GPC5: variants seen among roughly 807,000 people sequenced by gnomAD.
The protein encoded by GPC5 is glypican 5.
A neutral mutation model predicts 53.9 loss-of-function variants in GPC5; 47 were observed. That is an observed-to-expected ratio of 0.87 (90% CI 0.69 to 1.11). GPC5 has a LOEUF of 1.11. GPC5 is among the 50% of genes most tolerant of loss of function. The pLI is 0.00. For missense variants in GPC5, 748 were observed against 713.1 expected (o/e 1.05, Z -0.56); for synonymous variants, 286 against 263.3 (o/e 1.09, Z -0.84).
intron 7 of GPC5, among the ~76,000 whole-genome samples, chr13:92,850,610 A>G (rs1038182076): frequency 6.6e-6 from 1 of 152,130 alleles, no homozygotes; most frequent in African/African-American, 2.4e-5. Context: ...AGAAAGAAAA[A>G]AAAAATCATA....
chr13:91,731,996 A>T (rs773190491), intron 4 of GPC5, among the ~76,000 whole-genome samples: 7 of 152,306 alleles, frequency 4.6e-5, no homozygotes, highest in Non-Finnish European at 7.4e-5. Context: ...ATAAACATAC[A>T]TGTGCATGTG....
At chr13:91,650,419 A>C (rs933931767) in intron 2 of GPC5, among the ~76,000 whole-genome samples, 1 of 152,116 alleles carries the variant, frequency 6.6e-6, no homozygotes, top group Non-Finnish European at 1.5e-5. Context: ...TTTTCACAAA[A>C]TATACTTCTT....
At chr13:92,465,301 A>G (rs1566602175) in intron 7 of GPC5, among the ~76,000 whole-genome samples, 1 of 146,796 alleles carries the variant, frequency 6.8e-6, no homozygotes. Flanking sequence ...CCAAAATTCA[A>G]GAAATTCTAT....
At chr13:92,567,789 G>T (rs1410852053) in intron 7 of GPC5, among the ~76,000 whole-genome samples, 2 of 152,068 alleles carry the variant, frequency 1.3e-5, no homozygotes, top group Non-Finnish European at 2.9e-5. Context: ...GACTTGTGTT[G>T]GCCTCGTGAC....
intron 7 of GPC5, among the ~76,000 whole-genome samples, chr13:92,783,419 C>T (rs1876101896): frequency 6.6e-6 from 1 of 152,178 alleles, no homozygotes; most frequent in Non-Finnish European, 1.5e-5. Flanking sequence ...CCTCCAGTGA[C>T]CTAGGGATGG....
At chr13:91,960,578 C>T (rs189060991) in intron 6 of GPC5, among the ~76,000 whole-genome samples, 104 of 151,936 alleles carry the variant, frequency 6.8e-4, no homozygotes, top group Non-Finnish European at 1.3e-3. Flanking sequence ...ATTTGTGGAA[C>T]CAAAAAGAGT....
At chr13:92,593,090 CA>C (rs938804155) in intron 7 of GPC5, among the ~76,000 whole-genome samples, 5 of 150,982 alleles carry the variant, frequency 3.3e-5, no homozygotes, top group Non-Finnish European at 5.9e-5. Flanking sequence ...ACTGAGTAGC[CA>C]AGACACAGCA....
chr13:91,873,789 T>G (rs2039173840), intron 5 of GPC5, among the ~76,000 whole-genome samples: 1 of 152,146 alleles, frequency 6.6e-6, no homozygotes, highest in Non-Finnish European at 1.5e-5. Flanking sequence ...GCTCAAGGAC[T>G]CCTCCTGTTA....
chr13:92,835,642 T>C (rs1166567263), intron 7 of GPC5, among the ~76,000 whole-genome samples: 1 of 152,146 alleles, frequency 6.6e-6, no homozygotes, highest in Non-Finnish European at 1.5e-5. Context: ...GTGTAACATA[T>C]TGCAACAAAC....
intron 7 of GPC5, among the ~76,000 whole-genome samples, chr13:92,284,208 A>G (rs545118629): frequency 6.6e-6 from 1 of 152,314 alleles, no homozygotes; most frequent in South Asian, 2.1e-4. Flanking sequence ...GAATCCCTGA[A>G]TAGACCAATA....
At chr13:92,617,813 T>C (rs967797894) in intron 7 of GPC5, among the ~76,000 whole-genome samples, 8 of 152,170 alleles carry the variant, frequency 5.3e-5, no homozygotes, top group African/African-American at 1.9e-4. Flanking sequence ...AGGTGTTACA[T>C]ACTTACAGGA....
intron 7 of GPC5, among the ~76,000 whole-genome samples, chr13:92,221,914 A>G (rs1182564968): frequency 3.9e-5 from 6 of 152,192 alleles, no homozygotes; most frequent in Non-Finnish European, 7.3e-5. Context: ...ACAATATAAT[A>G]GACTTTCTAC....
intron 4 of GPC5, among the ~76,000 whole-genome samples, chr13:91,744,233 G>A (rs1315126161): frequency 6.6e-6 from 1 of 151,976 alleles, no homozygotes; most frequent in African/African-American, 2.4e-5. Flanking sequence ...ATTAAGTAAA[G>A]GTAACTATAC....
intron 2 of GPC5, among the ~76,000 whole-genome samples, chr13:91,568,911 A>G (rs954402267): frequency 2.0e-5 from 3 of 151,822 alleles, no homozygotes; most frequent in African/African-American, 7.2e-5. Context: ...ATCACACCCA[A>G]CTAATTTTAT....
intron 6 of GPC5, among the ~76,000 whole-genome samples, chr13:92,018,168 T>C (rs1426591268): frequency 1.3e-5 from 2 of 152,142 alleles, no homozygotes; most frequent in Non-Finnish European, 2.9e-5. Flanking sequence ...CTTTGAGAAT[T>C]GCATAAATGC....
chr13:92,153,457 G>A (rs1404120168), intron 7 of GPC5, among the ~76,000 whole-genome samples: 1 of 152,158 alleles, frequency 6.6e-6, no homozygotes, highest in Non-Finnish European at 1.5e-5. Flanking sequence ...TTTTACCAAA[G>A]TATAGTATTC....
At chr13:91,952,175 C>CTG (rs200641311) in intron 6 of GPC5, among the ~76,000 whole-genome samples, 6,815 of 103,402 alleles carry the variant, frequency 0.066, 507 homozygotes, top group African/African-American at 0.21. Context: ...ATCTCTCTTT[C>CTG]TCTCTCTCTC....
chr13:92,602,175 CTATATATATTACATATATATAAA>C (rs1566313894), intron 7 of GPC5, among the ~76,000 whole-genome samples: 5 of 137,148 alleles, frequency 3.6e-5, no homozygotes, highest in African/African-American at 1.3e-4. Flanking sequence ...CAAATACACA[CTATATATATTACATATATATAAA>C]TATATATATT....
intron 7 of GPC5, among the ~76,000 whole-genome samples, chr13:92,412,677 A>G (rs1006111050): frequency 1.3e-5 from 2 of 152,226 alleles, no homozygotes; most frequent in Non-Finnish European, 2.9e-5. Context: ...TAGTTGAGAC[A>G]GAGACAGACC....
Sources: allele counts gnomAD v4.1 joint callset (sites outside exome capture counted in the v4.1 genomes callset), GRCh38; gene constraint gnomAD v4.1.1; transcripts MANE v1.5; gene names NCBI Gene and HGNC (gene_info 2026-07-23, HGNC 2026-07-21).